KMT2A: variants seen among roughly 807,000 people sequenced by gnomAD.
KMT2A encodes the protein histone-lysine N-methyltransferase 2A.
KMT2A carries 16 observed loss-of-function variants against 345.3 expected under a neutral mutation model. That is an observed-to-expected ratio of 0.05 (90% CI 0.03 to 0.07). The LOEUF (loss-of-function observed/expected upper bound fraction) is 0.07. Ranked by LOEUF, KMT2A falls within the 10% of genes least tolerant of loss-of-function variation. KMT2A has a pLI of 1.00. For synonymous variants in KMT2A, 1,599 were observed against 1,778.6 expected, an observed-to-expected ratio of 0.90 and a Z score of 2.54; for missense variants, 3,272 against 4,841.6, an observed-to-expected ratio of 0.68 and a Z score of 9.62.
intron 24 of KMT2A, 169 bp from the exon 25 acceptor site, chr11:118,500,818 A>G (rs975156303): frequency 1.4e-5 from 6 of 428,064 alleles, no homozygotes; most frequent in African/African-American, 4.0e-5. Flanking sequence ...GACTTCAAAA[A>G]GCTTGGAACA....
At position 118,491,924 on chromosome 11, in the gene KMT2A, G is replaced by A. The variant is rs782779521; in HGVS notation, c.5000G>A (p.Arg1667Gln). ...ACTACCAGCCATTTGCTACGCTACC[G>A]GCAGGTAGGCCAAGTCTCATTTTTT... ...SRTTSHLLRY[R>Q]QAAKPPDLNP... Residue 1667 changes from arginine (R) to glutamine (Q), a missense_variant, in exon 15 of 36, where the codon CGG becomes CAG. Physicochemically the swap from Arg to Gln is conservative, Grantham distance 43 (BLOSUM62 1). Coordinates refer to ENST00000534358, the MANE Select transcript of KMT2A (RefSeq NM_001197104.2). The surrounding 1 kb of genome is among the most constrained non-coding windows in gnomAD (Gnocchi z 4.2). 14 of 1,611,192 alleles carry A rather than the reference G, an allele frequency of 8.7e-6. No individual in the cohort carries two copies. Among genetic ancestry groups the A allele is most frequent in the East Asian group, 4.5e-5 (2 of 44,888 alleles).
chr11:118,489,271 A>G (rs1950286813), intron 11 of KMT2A, among the ~76,000 whole-genome samples: 1 of 149,556 alleles, frequency 6.7e-6, no homozygotes, highest in Non-Finnish European at 1.5e-5. Context: ...GAGGATGTGC[A>G]TTTTGTTATA....
chr11:118,493,234 T>G lies in KMT2A; in HGVS notation c.5178+4T>G. ...CCAAGGGAATTACACATCTGTGGTATGTTTCTACAGTGAGCCATCAGAATT... is the reference window on the plus strand; with the variant it reads ...CCAAGGGAATTACACATCTGTGGTAGGTTTCTACAGTGAGCCATCAGAATT... On this transcript the variant is annotated splice_donor_region_variant and intron_variant, in intron 16 of 35. Coordinates refer to ENST00000534358, the MANE Select transcript of KMT2A (RefSeq NM_001197104.2). The surrounding 1 kb of genome is among the most constrained non-coding windows in gnomAD (Gnocchi z 5.8). The G allele has an allele frequency of 1.2e-6, 2 of 1,613,362 alleles. No individual in the cohort carries two copies. Among genetic ancestry groups the G allele is most frequent in the Non-Finnish European group, 1.7e-6 (2 of 1,179,386 alleles).
At chr11:118,514,792 C>G (rs1950774432) in intron 31 of KMT2A, among the ~76,000 whole-genome samples, 2 of 152,218 alleles carry the variant, frequency 1.3e-5, no homozygotes, top group Admixed American at 6.5e-5. Flanking sequence ...TGCCACCATG[C>G]CTGGCTAATT....
chr11:118,490,920 A>G lies in KMT2A; in HGVS notation c.4697-276A>G, dbSNP rs1950314319. On this transcript the variant is annotated intron_variant, in intron 13 of 35. Coordinates refer to ENST00000534358, the MANE Select transcript of KMT2A (RefSeq NM_001197104.2). This position sits in a 1 kb window ranked among gnomAD's most constrained non-coding sequence, Gnocchi z 4.2. Reference sequence around the variant, plus strand: ...AAACTTCTCTCTTCCATTCTTTTCTATTGTTTTATCTTTAAAATCTACCTC... The same window carrying G: ...AAACTTCTCTCTTCCATTCTTTTCTGTTGTTTTATCTTTAAAATCTACCTC... 1.3e-5 allele frequency among the ~76,000 whole-genome samples: 2 copies of G among 152,082 alleles called. No individual in the cohort carries two copies. The highest frequency in any genetic ancestry group is 2.9e-5 in the Non-Finnish European group (2 of 68,002).
At position 118,505,996 on chromosome 11, in the gene KMT2A, C is replaced by A. The variant is rs1555048138; in HGVS notation, c.10104C>A (p.Thr3368=). The A allele has an allele frequency of 6.2e-7, 1 of 1,614,180 alleles. No individual in the cohort carries two copies. Among genetic ancestry groups the A allele is most frequent in the Non-Finnish European group, 8.5e-7 (1 of 1,180,034 alleles). Residue 3368 remains threonine, a synonymous_variant, in exon 27 of 36, where the codon ACC becomes ACA. Coordinates refer to ENST00000534358, the MANE Select transcript of KMT2A (RefSeq NM_001197104.2). This position sits in a 1 kb window ranked among gnomAD's most constrained non-coding sequence, Gnocchi z 4.6. ...SASVPGHVTL[T]NPRLLGTPDI... is the part of the protein sequence containing the mutation. ...CAGTTCCAGGACACGTCACCTTAAC[C>A]AACCCAAGGTTGCTTGGTACCCCAG...
In KMT2A at chr11:118,523,761, C is replaced by T. The variant is rs868989328; in HGVS notation, c.*1589C>T. The T allele has an allele frequency of 4.6e-6, 1 of 218,230 alleles. No homozygotes were observed. The highest frequency in any genetic ancestry group is 9.2e-6 in the Non-Finnish European group (1 of 108,516). 13.5% of individuals were successfully genotyped at this position (218,230 alleles called of 1,614,324 possible). A position where few individuals can be genotyped will look rare whatever the true frequency, so the allele number is the denominator to read the frequency against. Reference sequence around the variant, plus strand: ...ACAAAGTCTGGTTTTTCCTGCCCAACTTCCCCCTGGAAGGTGTACTTTTTG... The same window carrying T: ...ACAAAGTCTGGTTTTTCCTGCCCAATTTCCCCCTGGAAGGTGTACTTTTTG... On this transcript the variant is annotated 3_prime_UTR_variant, in exon 36 of 36. Coordinates refer to ENST00000534358, the MANE Select transcript of KMT2A (RefSeq NM_001197104.2).
At chr11:118,468,731 C>G (rs782760907) in intron 1 of KMT2A, 44 bp from the exon 2 acceptor site, 1 of 1,479,036 alleles carries the variant, frequency 6.8e-7, no homozygotes, top group Non-Finnish European at 9.4e-7. Context: ...TGTTTGTATG[C>G]ACGTTTTTGC....
At chr11:118,486,191 G>C (rs1555040829) in intron 10 of KMT2A, among the ~76,000 whole-genome samples, 1 of 152,172 alleles carries the variant, frequency 6.6e-6, no homozygotes, top group Non-Finnish European at 1.5e-5. Context: ...TAATAACATG[G>C]AAAGATGTCC....
In KMT2A at chr11:118,503,671, T is replaced by C; in HGVS notation, c.7779T>C (p.Asn2593=). The change falls in exon 27 of 36, where the codon AAT becomes AAC. Residue 2593 remains asparagine (N), a synonymous_variant. Coordinates refer to ENST00000534358, the MANE Select transcript of KMT2A (RefSeq NM_001197104.2). This position sits in a 1 kb window ranked among gnomAD's most constrained non-coding sequence, Gnocchi z 5.3. ...ATTCTCAAAGTAACAACTATCAGAA[T>C]CTTCCAGTACAGGACAGAAACCTAA... ...CQDSQSNNYQ[N]LPVQDRNLML... 1 of 1,614,156 alleles carries C rather than the reference T, an allele frequency of 6.2e-7. No individual in the cohort carries two copies. Among genetic ancestry groups the C allele is most frequent in the Admixed American group, 1.7e-5 (1 of 60,018 alleles).
At chr11:118,468,377 C>T (rs1255554742) in intron 1 of KMT2A, among the ~76,000 whole-genome samples, 1 of 152,156 alleles carries the variant, frequency 6.6e-6, no homozygotes, top group East Asian at 1.9e-4. Context: ...TGTCTGTAGA[C>T]TTAAATACTT....
chr11:118,440,595 G>T lies in KMT2A; in HGVS notation c.432+3651G>T, dbSNP rs114964540. ...CCTACTACTTCACAAAATATTAAAA[G>T]CAAAATTTCCATCCTGATCATAACA... On this transcript the variant is annotated intron_variant, in intron 1 of 35. Coordinates refer to ENST00000534358, the MANE Select transcript of KMT2A (RefSeq NM_001197104.2). 8.1e-3 allele frequency among the ~76,000 whole-genome samples: 1,239 copies of T among 152,106 alleles called. 21 individuals are homozygous for T. The highest frequency in any genetic ancestry group is 0.029 in the African/African-American group (1,185 of 41,470).
chr11:118,483,393 C>A (rs1017971559), intron 8 of KMT2A, among the ~76,000 whole-genome samples: 1 of 151,132 alleles, frequency 6.6e-6, no homozygotes, highest in Non-Finnish European at 1.5e-5. Context: ...ATTAGCCCGG[C>A]GAGGTGGCGG....
Position 118,472,053 on chromosome 11 carries a change from A to G in KMT2A, c.894A>G (p.Gln298=), listed in dbSNP as rs782075034. Residue 298 remains glutamine (Q), a synonymous_variant, in exon 3 of 36, where the codon CAA becomes CAG. Transcript: ENST00000534358. The part of the protein sequence containing the change: ...GKLQIGRKGV[Q]IVRRRGRPPS... ...TTCAAATAGGAAGGAAGGGGGTACAAATTGTACGACGGAGAGGAAGGCCTC... is the reference window on the plus strand; with the variant it reads ...TTCAAATAGGAAGGAAGGGGGTACAGATTGTACGACGGAGAGGAAGGCCTC... 14 of 1,613,676 alleles carry G rather than the reference A, an allele frequency of 8.7e-6. No homozygotes were observed. Among genetic ancestry groups the G allele is most frequent in the Non-Finnish European group, 1.7e-6 (2 of 1,179,954 alleles).
chr11:118,436,726 G>C lies in KMT2A; in HGVS notation c.214G>C (p.Ala72Pro). The change falls in exon 1 of 36, where the codon GCT (alanine) becomes CCT (proline). Residue 72 changes from alanine to proline, a missense_variant. By Grantham distance (27) the Ala-to-Pro change is conservative. Coordinates refer to ENST00000534358, the MANE Select transcript of KMT2A (RefSeq NM_001197104.2). The surrounding 1 kb of genome is among the most constrained non-coding windows in gnomAD (Gnocchi z 6.9). ...GGCGGCGGCGGCGGGAAGCAGCGGG[G>C]CTGGGGTTCCAGGGGGAGCGGCCGC... ...AAAAAAGSSG[A>P]GVPGGAAAAS... 1 of 1,525,376 alleles carries C rather than the reference G, an allele frequency of 6.6e-7. No homozygotes were observed. The highest frequency in any genetic ancestry group is 8.8e-7 in the Non-Finnish European group (1 of 1,133,584). The allele number at this position is 1,525,376 out of a possible 1,614,324, so 94.5% of individuals were successfully genotyped here. A position where few individuals can be genotyped will look rare whatever the true frequency, so the allele number is the denominator to read the frequency against.
rs1555045793 is a variant in KMT2A, at chr11:118,501,813, C to T, written c.6461C>T (p.Ser2154Phe). ...CCCAGGATTCGAACACCCAGTTATT[C>T]TCCAACACAGAGATCCCCTGGCTGT... ...KVPRIRTPSY[S>F]PTQRSPGCRP... The change falls in exon 26 of 36, where the codon TCT becomes TTT. Residue 2154 changes from serine (S) to phenylalanine (F), a missense_variant. Around this residue, in one of 27 missense-constraint regions of KMT2A, gnomAD observed 66 missense variants for 73.9 expected, o/e 0.89. Coordinates refer to ENST00000534358, the MANE Select transcript of KMT2A (RefSeq NM_001197104.2). The T allele has an allele frequency of 6.2e-7, 1 of 1,614,048 alleles. No individual in the cohort carries two copies. The highest frequency in any genetic ancestry group is 8.5e-7 in the Non-Finnish European group (1 of 1,179,982).
rs2134336868 is a variant in KMT2A, at chr11:118,490,740, T to A, written c.4697-456T>A. Among the ~76,000 whole-genome samples, 1 of 152,246 alleles carries A rather than the reference T, an allele frequency of 6.6e-6. No homozygotes were observed. The highest frequency in any genetic ancestry group is 1.9e-4 in the East Asian group (1 of 5,188). ...GAGATCTCTGTATATAAAGAAAATT[T>A]ATGAAGGTTATACAGAGTACTGAAT... On this transcript the variant is annotated intron_variant, in intron 13 of 35. Transcript: ENST00000534358. This position sits in a 1 kb window ranked among gnomAD's most constrained non-coding sequence, Gnocchi z 4.2.
At chr11:118,485,262 G>C (rs1270451849) in intron 10 of KMT2A, among the ~76,000 whole-genome samples, 1 of 151,856 alleles carries the variant, frequency 6.6e-6, no homozygotes, top group African/African-American at 2.4e-5. Context: ...ATTATACAGT[G>C]GTCTATTAAA....
At chr11:118,437,675 TC>T (rs145193113) in intron 1 of KMT2A, among the ~76,000 whole-genome samples, 7,121 of 144,082 alleles carry the variant, frequency 0.049, 269 homozygotes, top group African/African-American at 0.11. Context: ...AGCAGTCTCT[TC>T]CCCCCCCCGC....
Sources: gnomAD v4.1 joint callset for allele counts (sites outside exome capture counted in the v4.1 genomes callset) on GRCh38, gnomAD v4.1.1 for gene constraint, gnomAD v4.1.1 regional missense constraint, Gnocchi (gnomAD v3.1) non-coding constraint, MANE v1.5 for transcripts, NCBI Gene and HGNC (gene_info 2026-07-23, HGNC 2026-07-21) for gene names.